The following CNTNAP5 variants were observed in gnomAD, a reference collection of about 807,000 sequenced individuals.
CNTNAP5 encodes contactin associated protein family member 5, also known as contactin-associated protein-like 5.
Under a neutral mutation model 150.2 loss-of-function variants are expected in CNTNAP5, and 72 were observed. That is an observed-to-expected ratio of 0.48 (90% CI 0.40 to 0.58). CNTNAP5 has a LOEUF of 0.58. Among genes scored for constraint, CNTNAP5 ranks in the 20% least tolerant of loss-of-function variants. The pLI is 0.00. For missense variants in CNTNAP5, 1,636 were observed against 1,626.2 expected (o/e 1.01, Z -0.10); for synonymous variants, 672 against 619.8 (o/e 1.08, Z -1.25).
chr2:124,081,837 A>C (rs983751840), intron 1 of CNTNAP5, among the ~76,000 whole-genome samples: 8 of 152,184 alleles, frequency 5.3e-5, no homozygotes, highest in Non-Finnish European at 8.8e-5. Flanking sequence ...TGTTTCCATT[A>C]CCAGTTTCTC....
chr2:124,201,324 A>G (rs1023152503), intron 1 of CNTNAP5, among the ~76,000 whole-genome samples: 2 of 152,246 alleles, frequency 1.3e-5, no homozygotes, highest in African/African-American at 4.8e-5. Context: ...AATTGTATCA[A>G]TCACTCAGTG....
At chr2:124,582,932 T>C (rs1696448161) in intron 11 of CNTNAP5, among the ~76,000 whole-genome samples, 1 of 152,166 alleles carries the variant, frequency 6.6e-6, no homozygotes, top group Non-Finnish European at 1.5e-5. Context: ...GTAATTCAGT[T>C]TTTCCTCTAG....
chr2:124,434,916 T>G (rs941539480), intron 5 of CNTNAP5, among the ~76,000 whole-genome samples: 3 of 152,248 alleles, frequency 2.0e-5, no homozygotes, highest in African/African-American at 7.2e-5. Flanking sequence ...TTGACCTAAC[T>G]ACGTATTTAT....
intron 13 of CNTNAP5, among the ~76,000 whole-genome samples, chr2:124,725,826 T>C (rs1373807490): frequency 6.6e-6 from 1 of 152,014 alleles, no homozygotes; most frequent in Non-Finnish European, 1.5e-5. Context: ...TGTCTTTCTG[T>C]GTTTGGCTTT....
At chr2:124,123,033 A>G (rs1296973971) in intron 1 of CNTNAP5, among the ~76,000 whole-genome samples, 3 of 152,012 alleles carry the variant, frequency 2.0e-5, no homozygotes, top group Admixed American at 6.6e-5. Context: ...TGCATTTCCA[A>G]CTGAGGTACC....
At chr2:124,811,874 A>G (rs953345287) in intron 19 of CNTNAP5, among the ~76,000 whole-genome samples, 1 of 145,338 alleles carries the variant, frequency 6.9e-6, no homozygotes, top group African/African-American at 2.6e-5. Context: ...CCCGGGAGGC[A>G]GAGGTTGCAG....
chr2:124,148,785 ATACATATATGTG>A, intron 1 of CNTNAP5, among the ~76,000 whole-genome samples: 2 of 39,382 alleles, frequency 5.1e-5, no homozygotes, highest in Non-Finnish European at 1.3e-4. Flanking sequence ...ATATGTGTGT[ATACATATATGTG>A]TGTATACATG....
intron 4 of CNTNAP5, among the ~76,000 whole-genome samples, chr2:124,429,175 T>A (rs926812171): frequency 6.6e-6 from 1 of 152,244 alleles, no homozygotes; most frequent in Non-Finnish European, 1.5e-5. Flanking sequence ...GGGTCTTTAT[T>A]ATTATCATTT....
rs545892001 is a variant in CNTNAP5, at chr2:124,304,943, G to T, written c.381+62550G>T. The stretch of plus-strand genomic sequence containing the variant: ...GTAATTGAGTTATGGTAGATTGGGG[G>T]TTATCCCAGGAGTAAACAAAAGAGG... On this transcript the variant is annotated intron_variant, in intron 3 of 23. Coordinates refer to ENST00000682447, the MANE Select transcript of CNTNAP5 (RefSeq NM_001367498.1). Among the ~76,000 whole-genome samples the T allele has an allele frequency of 2.0e-3, 299 of 151,890 alleles. 1 individual carries two copies. The highest frequency in any genetic ancestry group is 7.0e-3 in the African/African-American group (290 of 41,408).
At chr2:124,298,014 T>G (rs1391337956) in intron 3 of CNTNAP5, among the ~76,000 whole-genome samples, 1 of 151,916 alleles carries the variant, frequency 6.6e-6, no homozygotes, top group Non-Finnish European at 1.5e-5. Flanking sequence ...CTGGCTAATT[T>G]TTGTTCTTTT....
At chr2:124,374,355 C>T (rs1270304010) in intron 3 of CNTNAP5, among the ~76,000 whole-genome samples, 1 of 151,914 alleles carries the variant, frequency 6.6e-6, no homozygotes, top group Non-Finnish European at 1.5e-5. Flanking sequence ...CCAAGTTGAT[C>T]AATAGGAAAA....
intron 2 of CNTNAP5, among the ~76,000 whole-genome samples, chr2:124,223,749 C>T (rs1040168838): frequency 7.3e-5 from 11 of 151,568 alleles, no homozygotes; most frequent in African/African-American, 2.2e-4. Flanking sequence ...TATAATTTTT[C>T]GGCTCACCGG....
intron 11 of CNTNAP5, among the ~76,000 whole-genome samples, chr2:124,604,887 C>T (rs756750351): frequency 1.9e-4 from 29 of 152,222 alleles, no homozygotes; most frequent in Admixed American, 1.1e-3. Context: ...TGTTCACATC[C>T]CATGCTGTGT....
chr2:124,073,053 C>A (rs1224140176), intron 1 of CNTNAP5, among the ~76,000 whole-genome samples: 1 of 152,046 alleles, frequency 6.6e-6, no homozygotes, highest in Non-Finnish European at 1.5e-5. Context: ...GAAATGAATT[C>A]ATACATCTAT....
In CNTNAP5 at chr2:124,430,767, C is replaced by T. The variant is rs959505617; in HGVS notation, c.530-3717C>T. On this transcript the variant is annotated intron_variant, in intron 4 of 23. Coordinates refer to ENST00000682447, the MANE Select transcript of CNTNAP5 (RefSeq NM_001367498.1). ...GGCAATGATGATGAGGACATGAGTGCACGCCTACTCAGTGTGATGTGAAGG... is the reference window on the plus strand; with the variant it reads ...GGCAATGATGATGAGGACATGAGTGTACGCCTACTCAGTGTGATGTGAAGG... Among the ~76,000 whole-genome samples, 4 of 152,142 alleles carry T rather than the reference C, an allele frequency of 2.6e-5. 1 individual carries two copies. The South Asian group carries it at 8.3e-4, about 32-fold the overall frequency.
chr2:124,552,247 G>C (rs776503695), intron 10 of CNTNAP5, among the ~76,000 whole-genome samples: 1 of 152,142 alleles, frequency 6.6e-6, no homozygotes, highest in Admixed American at 6.5e-5. Flanking sequence ...GGGTTTAAAT[G>C]TTCACTCTGC....
chr2:124,707,067 A>G (rs1217537402), intron 13 of CNTNAP5, among the ~76,000 whole-genome samples: 17 of 137,838 alleles, frequency 1.2e-4, no homozygotes, highest in African/African-American at 4.8e-4. Flanking sequence ...GAGGAGAGGA[A>G]GAGGAAGAAG....
intron 3 of CNTNAP5, among the ~76,000 whole-genome samples, chr2:124,356,528 A>G (rs1488827124): frequency 2.1e-5 from 3 of 143,264 alleles, no homozygotes; most frequent in Non-Finnish European, 4.5e-5. Flanking sequence ...TCATTGTTCA[A>G]TTCCCACCTA....
chr2:124,043,296 C>T (rs1681437338), intron 1 of CNTNAP5, among the ~76,000 whole-genome samples: 1 of 152,144 alleles, frequency 6.6e-6, no homozygotes, highest in African/African-American at 2.4e-5. Flanking sequence ...AGAGGTGGGA[C>T]CTCACAAGAC....
Sources: gnomAD v4.1 joint callset for allele counts (sites outside exome capture counted in the v4.1 genomes callset) on GRCh38, gnomAD v4.1.1 for gene constraint, MANE v1.5 for transcripts, NCBI Gene and HGNC (gene_info 2026-07-23, HGNC 2026-07-21) for gene names.